CEP128: variants seen among roughly 807,000 people sequenced by gnomAD.
CEP128 encodes the protein centrosomal protein 128kDa.
Under a neutral mutation model 156.7 loss-of-function variants are expected in CEP128, and 132 were observed. The ratio of observed to expected loss-of-function variants is 0.84; its 90% CI spans 0.73 to 0.97. The LOEUF is 0.97. Ranked by LOEUF, CEP128 falls within the 50% of genes least tolerant of loss-of-function variation. The pLI is 0.00. For missense variants in CEP128, 1,252 were observed against 1,281.9 expected, an observed-to-expected ratio of 0.98 and a Z score of 0.36; for synonymous variants, 469 against 448.9, an observed-to-expected ratio of 1.04 and a Z score of -0.57.
At chr14:80,770,653 A>G (rs1295248130) in intron 16 of CEP128, among the ~76,000 whole-genome samples, 1 of 152,204 alleles carries the variant, frequency 6.6e-6, no homozygotes, top group Admixed American at 6.5e-5. Context: ...GAAGATGGGA[A>G]TCTTACAGGA....
chr14:80,649,317 C>T (rs1189509484), intron 19 of CEP128, among the ~76,000 whole-genome samples: 2 of 151,940 alleles, frequency 1.3e-5, no homozygotes, highest in African/African-American at 2.4e-5. Flanking sequence ...CTTCTGAGGT[C>T]GCTCACAATC....
Position 80,779,986 on chromosome 14 carries a change from A to G in CEP128, c.2212-1940T>C, listed in dbSNP as rs116478644. 3.4e-3 allele frequency among the ~76,000 whole-genome samples: 516 copies of G among 152,346 alleles called. 3 individuals are homozygous for G. The highest frequency in any genetic ancestry group is 0.011 in the African/African-American group (477 of 41,580). The stretch of plus-strand genomic sequence containing the variant: ...CAATCCTGCATCTTCTGAATCCAAA[A>G]AAAGGCTCTACAAAATGATTTTGTT... On this transcript the variant is annotated intron_variant, in intron 15 of 24. Transcript: ENST00000555265.
intron 9 of CEP128, among the ~76,000 whole-genome samples, chr14:80,856,715 C>CTTTTT (rs1566673747): frequency 1.4e-5 from 1 of 73,204 alleles, no homozygotes; most frequent in African/African-American, 5.2e-5. Flanking sequence ...TCATGTTTTT[C>CTTTTT]TTTTCTTTTT....
At chr14:80,763,200 A>G (rs1186816859) in intron 16 of CEP128, among the ~76,000 whole-genome samples, 1 of 152,184 alleles carries the variant, frequency 6.6e-6, no homozygotes, top group Non-Finnish European at 1.5e-5. Context: ...CATGTTCACC[A>G]CACATCAGGA....
intron 23 of CEP128, among the ~76,000 whole-genome samples, chr14:80,519,565 T>C (rs936760042): frequency 3.3e-5 from 5 of 152,240 alleles, no homozygotes; most frequent in Non-Finnish European, 2.9e-5. Flanking sequence ...CTTCCATTTC[T>C]GCCCTATTCT....
rs545108824 is a variant in CEP128, at chr14:80,757,087, A to G, written c.2554-136T>C. ...TTAAAAAGAAAAATTGTTGCCCCAA[A>G]TACTCAACCAGTTCCAAACTAGCAT... On this transcript the variant is annotated intron_variant, in intron 17 of 24. Transcript: ENST00000555265. The G allele has an allele frequency of 1.4e-4, 83 of 595,220 alleles. No homozygotes were observed. The East Asian group carries it at 1.8e-3, about 13-fold the overall frequency. 36.9% of individuals were successfully genotyped at this position (595,220 alleles called of 1,614,324 possible). A position where few individuals can be genotyped will look rare whatever the true frequency, so the allele number is the denominator to read the frequency against.
In CEP128 at chr14:80,821,600, TACACACAC is replaced by T. The variant is rs71103885; in HGVS notation, c.1209+9535_1209+9542del. Among the ~76,000 whole-genome samples the T allele has an allele frequency of 4.1e-3, 593 of 145,358 alleles. 1 individual carries two copies. The highest frequency in any genetic ancestry group is 0.013 in the African/African-American group (518 of 38,886). On this transcript the variant is annotated intron_variant, in intron 13 of 24. Coordinates refer to ENST00000555265, the MANE Select transcript of CEP128 (RefSeq NM_152446.5). Reference sequence around the variant, plus strand: ...GTTATATGTCACACACATACACACATACACACACACACACACACACACACACACACACA... The same window carrying T: ...GTTATATGTCACACACATACACACATACACACACACACACACACACACACA...
chr14:80,519,117 T>A (rs1249161918), intron 23 of CEP128, among the ~76,000 whole-genome samples: 1 of 152,248 alleles, frequency 6.6e-6, no homozygotes, highest in Non-Finnish European at 1.5e-5. Context: ...CAGCTTTTGC[T>A]TCTTACCAAT....
chr14:80,929,119 A>G (rs1469217291), intron 2 of CEP128, among the ~76,000 whole-genome samples: 2 of 152,222 alleles, frequency 1.3e-5, no homozygotes, highest in African/African-American at 2.4e-5. Context: ...ACATGAAAAA[A>G]AATGATCAAC....
chr14:80,937,649 T>G (rs1885885061), intron 2 of CEP128, among the ~76,000 whole-genome samples: 1 of 152,100 alleles, frequency 6.6e-6, no homozygotes. Context: ...GAATGGTAAG[T>G]GCTGACCTGT....
chr14:80,612,121 A>G (rs576123440), intron 19 of CEP128, among the ~76,000 whole-genome samples: 2 of 152,320 alleles, frequency 1.3e-5, no homozygotes, highest in African/African-American at 4.8e-5. Context: ...TAGGACAGCA[A>G]TGCTGTAATA....
At chr14:80,698,264 T>C (rs190666628) in intron 19 of CEP128, among the ~76,000 whole-genome samples, 2 of 152,202 alleles carry the variant, frequency 1.3e-5, no homozygotes, top group Admixed American at 6.5e-5. Flanking sequence ...CTACTCCTAG[T>C]AGGAATTAGA....
At chr14:80,757,187 C>T (rs1188105612) in intron 17 of CEP128, among the ~76,000 whole-genome samples, 2 of 152,158 alleles carry the variant, frequency 1.3e-5, no homozygotes, top group Non-Finnish European at 2.9e-5. Flanking sequence ...GAAAAATCAA[C>T]TATCAAGTGC....
At chr14:80,499,316 G>T (rs911817723) in intron 24 of CEP128, among the ~76,000 whole-genome samples, 2 of 152,108 alleles carry the variant, frequency 1.3e-5, no homozygotes, top group Non-Finnish European at 2.9e-5. Context: ...TCACCCCACG[G>T]ACTTAAACTA....
At chr14:80,934,305 C>T (rs1005387815) in intron 2 of CEP128, among the ~76,000 whole-genome samples, 1 of 152,168 alleles carries the variant, frequency 6.6e-6, no homozygotes, top group African/African-American at 2.4e-5. Context: ...AACTCAAAGA[C>T]CATCCTTTGG....
At chr14:80,626,470 CAAAAAAAAA>C (rs60238276) in intron 19 of CEP128, among the ~76,000 whole-genome samples, 3 of 80,678 alleles carry the variant, frequency 3.7e-5, no homozygotes, top group Non-Finnish European at 4.6e-5. Flanking sequence ...GACTCCGTCT[CAAAAAAAAA>C]AAAAAAAAAA....
intron 2 of CEP128, among the ~76,000 whole-genome samples, chr14:80,951,615 T>C (rs187738561): frequency 1.3e-5 from 2 of 152,066 alleles, no homozygotes; most frequent in Admixed American, 6.5e-5. Context: ...CAAATAACAA[T>C]GGAGAAATAG....
Position 80,908,902 on chromosome 14 carries a change from C to G in CEP128, c.235-2821G>C, listed in dbSNP as rs17542934. 6.8e-3 allele frequency among the ~76,000 whole-genome samples: 1,033 copies of G among 152,300 alleles called. 9 individuals carry two copies. Among genetic ancestry groups the G allele is most frequent in the Middle Eastern group, 0.017 (5 of 294 alleles). On this transcript the variant is annotated intron_variant, in intron 4 of 24. Coordinates refer to ENST00000555265, the MANE Select transcript of CEP128 (RefSeq NM_152446.5). ...GTCACCGTGAAGGCTGGTCTATTTT[C>G]AGTTTATCACTTCTCATTTCCAATT... is the stretch of plus-strand genomic sequence containing the variant.
chr14:80,566,859 A>AC (rs1890933403), intron 20 of CEP128, among the ~76,000 whole-genome samples: 1 of 151,764 alleles, frequency 6.6e-6, no homozygotes, highest in Non-Finnish European at 1.5e-5. Context: ...TTGAAGAAAA[A>AC]AAAAACAGCG....
Sources: allele counts gnomAD v4.1 joint callset (sites outside exome capture counted in the v4.1 genomes callset), GRCh38; gene constraint gnomAD v4.1.1; transcripts MANE v1.5; gene names NCBI Gene and HGNC (gene_info 2026-07-23, HGNC 2026-07-21).